The following CARD10 variants were observed in gnomAD, a reference collection of about 807,000 sequenced individuals.
The protein encoded by CARD10 is caspase recruitment domain-containing protein 10.
Under a neutral mutation model 114.6 loss-of-function variants are expected in CARD10, and 49 were observed. That is an observed-to-expected ratio of 0.43 (90% CI 0.34 to 0.54). The LOEUF (loss-of-function observed/expected upper bound fraction) is 0.54, where lower values mean the gene tolerates loss of function less well. CARD10 is among the 20% of genes least tolerant of loss of function. The pLI is 0.03. For synonymous variants in CARD10, 602 were observed against 593.2 expected (o/e 1.01, Z -0.21); for missense variants, 1,206 against 1,397.2 (o/e 0.86, Z 2.18).
In CARD10 at chr22:37,508,438, C is replaced by A. The variant is rs113628824; in HGVS notation, c.1065+89G>T. 3.5e-5 allele frequency: 47 copies of A among 1,351,230 alleles called. No individual in the cohort carries two copies. In the African/African-American group the frequency reaches 4.6e-4, roughly 13 times the overall value. The allele number at this position is 1,351,230 out of a possible 1,614,324, so 83.7% of individuals were successfully genotyped here. A position where few individuals can be genotyped will look rare whatever the true frequency, so the allele number is the denominator to read the frequency against. ...AATGCAGTTCTCAGCGCGGCGCCTG[C>A]GTCAAGCAGATGCTCAGGGAAGGCG... On this transcript the variant is annotated intron_variant, in intron 5 of 19. Transcript: ENST00000251973.
At chr22:37,494,589 C>T (rs1016022120) in intron 15 of CARD10, 9 of 223,790 alleles carry the variant, frequency 4.0e-5, no homozygotes, top group African/African-American at 7.0e-5. Context: ...TTAATGAAAC[C>T]AATAAAGATG....
In CARD10 at chr22:37,491,054, G is replaced by T; in HGVS notation, c.*105C>A. The T allele has an allele frequency of 1.1e-6, 1 of 905,554 alleles. No homozygotes were observed. The highest frequency in any genetic ancestry group is 1.7e-6 in the Non-Finnish European group (1 of 594,444). The allele number at this position is 905,554 out of a possible 1,614,324, so 56.1% of individuals were successfully genotyped here. On this transcript the variant is annotated 3_prime_UTR_variant, in exon 20 of 20. Coordinates refer to ENST00000251973, the MANE Select transcript of CARD10 (RefSeq NM_014550.4). ...GGCCAGAGCCAAGGGCCCTGCATCT[G>T]AGAGTCCAAGGGTCTAGGAAGGCTC...
chr22:37,508,533 G>A lies in CARD10; in HGVS notation c.1059C>T (p.Arg353=), dbSNP rs146823192. Residue 353 remains arginine, a synonymous_variant, in exon 5 of 20, where the codon CGC becomes CGT. Transcript: ENST00000251973. ...QGELQWAEEL[R]DQYLQEMEDL... ...GGCACGGGCAGGGCCCCACCTGGTC[G>A]CGCAGCTCCTCGGCCCACTGCAGCT... The A allele has an allele frequency of 1.9e-5, 30 of 1,592,466 alleles. No individual in the cohort carries two copies. The highest frequency in any genetic ancestry group is 2.6e-5 in the Non-Finnish European group (30 of 1,176,152).
rs1424798249 is a variant in CARD10 at position 37,492,401 on chromosome 22, C to G, written c.2751+34G>C. ...CAGCAGCACCCGCTCTGGGCCACCTCTGTGAGCACCCCAGGCCAGCCCCCA... is the reference window on the plus strand; with the variant it reads ...CAGCAGCACCCGCTCTGGGCCACCTGTGTGAGCACCCCAGGCCAGCCCCCA... On this transcript the variant is annotated intron_variant, in intron 18 of 19. Transcript: ENST00000251973. This position sits in a 1 kb window ranked among gnomAD's most constrained non-coding sequence, Gnocchi z 5.7. The G allele has an allele frequency of 2.0e-5, 30 of 1,463,862 alleles. No individual in the cohort carries two copies. Among genetic ancestry groups the G allele is most frequent in the Non-Finnish European group, 2.6e-5 (28 of 1,087,396 alleles). 90.7% of individuals were successfully genotyped at this position (1,463,862 alleles called of 1,614,324 possible).
chr22:37,502,782 G>T, intron 10 of CARD10, 57 bp from the exon 11 acceptor site: 2 of 1,574,718 alleles, frequency 1.3e-6, no homozygotes, highest in Non-Finnish European at 1.7e-6. Flanking sequence ...GATGGCCAGG[G>T]TCCATGACAG....
chr22:37,506,135 G>C, intron 7 of CARD10, 57 bp downstream of exon 7: 1 of 1,359,218 alleles, frequency 7.4e-7, no homozygotes. Flanking sequence ...CTGGCCAAGA[G>C]CTCCTGCCAG....
In CARD10 at chr22:37,507,967, C is replaced by T. The variant is rs1291143792; in HGVS notation, c.1066-13G>A. The stretch of plus-strand genomic sequence containing the variant: ...TCTCCTGCAGGTACTGAGGGTGGCA[C>T]GGGGCGGGGTCAGACCACAGGGCTG... On this transcript the variant is annotated splice_polypyrimidine_tract_variant and intron_variant, in intron 5 of 19. Coordinates refer to ENST00000251973, the MANE Select transcript of CARD10 (RefSeq NM_014550.4). 11 of 1,613,714 alleles carry T rather than the reference C, an allele frequency of 6.8e-6. No homozygotes were observed. Among genetic ancestry groups the T allele is most frequent in the African/African-American group, 1.3e-5 (1 of 74,908 alleles).
At chr22:37,506,502 G>A (rs1923414525) in intron 6 of CARD10, 119 bp from the exon 7 acceptor site, 1 of 649,604 alleles carries the variant, frequency 1.5e-6, no homozygotes, top group South Asian at 2.7e-5. Context: ...ACTGAGCACT[G>A]TGTGCCGGGC....
Position 37,512,465 on chromosome 22 carries a change from CCACACACACACACACACACA to C in CARD10, c.700-2064_700-2045del, listed in dbSNP as rs36080549. Among the ~76,000 whole-genome samples the C allele has an allele frequency of 1.5e-3, 175 of 113,854 alleles. 1 individual carries two copies. The highest frequency in any genetic ancestry group is 2.8e-3 in the Non-Finnish European group (148 of 53,042). The allele number at this position is 113,854 out of a possible 152,430, so 74.7% of individuals were successfully genotyped here. ...AGAGGTTAGAATGGCAGCCCCCCCTCCACACACACACACACACACACACACACACACACACACACACACAC... is the reference window on the plus strand; with the variant it reads ...AGAGGTTAGAATGGCAGCCCCCCCTCCACACACACACACACACACACACAC... On this transcript the variant is annotated intron_variant, in intron 3 of 19. Transcript: ENST00000251973.
chr22:37,496,400 T>C lies in CARD10; in HGVS notation c.2059+49A>G. The C allele has an allele frequency of 7.2e-7, 1 of 1,387,422 alleles. No homozygotes were observed. Among genetic ancestry groups the C allele is most frequent in the Non-Finnish European group, 1.0e-6 (1 of 982,048 alleles). 85.9% of individuals were successfully genotyped at this position (1,387,422 alleles called of 1,614,324 possible). ...CCTCCCCACCCCATGCACCACGGGT[T>C]AGAGGACCCCTCTGGGGCCAACAGC... On this transcript the variant is annotated intron_variant, in intron 13 of 19. Coordinates refer to ENST00000251973, the MANE Select transcript of CARD10 (RefSeq NM_014550.4). This position sits in a 1 kb window ranked among gnomAD's most constrained non-coding sequence, Gnocchi z 4.1.
chr22:37,504,419 G>C, intron 8 of CARD10, 118 bp from the exon 9 acceptor site: 2 of 1,048,164 alleles, frequency 1.9e-6, no homozygotes, highest in Non-Finnish European at 2.7e-6. Flanking sequence ...CAGAAGAGCG[G>C]GCTCTGCAAG....
chr22:37,508,876 C>A, intron 4 of CARD10, 194 bp from the exon 5 acceptor site: 1 of 1,259,162 alleles, frequency 7.9e-7, no homozygotes, highest in Non-Finnish European at 1.1e-6. Context: ...AAGCCCTACC[C>A]ACCCTCCAGG....
rs1203745983 is a variant in CARD10, at chr22:37,496,611, A to G, written c.1948-51T>C. 2 of 1,347,350 alleles carry G rather than the reference A, an allele frequency of 1.5e-6. No individual in the cohort carries two copies. The highest frequency in any genetic ancestry group is 2.1e-6 in the Non-Finnish European group (2 of 947,428). 83.5% of individuals were successfully genotyped at this position (1,347,350 alleles called of 1,614,324 possible). Reference sequence around the variant, plus strand: ...GAAAGAAGTGAGCCTCTGAGAGTAGAGCAGCCCAGGGGCTGGAGGAAGACC... The same window carrying G: ...GAAAGAAGTGAGCCTCTGAGAGTAGGGCAGCCCAGGGGCTGGAGGAAGACC... On this transcript the variant is annotated intron_variant, in intron 12 of 19. Transcript: ENST00000251973. The surrounding 1 kb of genome is among the most constrained non-coding windows in gnomAD (Gnocchi z 4.1).
chr22:37,510,327 T>C lies in CARD10; in HGVS notation c.794A>G (p.Glu265Gly). The C allele has an allele frequency of 1.2e-6, 2 of 1,610,606 alleles. No homozygotes were observed. The highest frequency in any genetic ancestry group is 2.2e-5 in the South Asian group (2 of 90,838). Reference sequence around the variant, plus strand: ...CTCCTTCTCCTTCTCCTTCTCCTTCTCCTTCTCCTCTGCCCCAGGGGGCGG... The same window carrying C: ...CTCCTTCTCCTTCTCCTTCTCCTTCCCCTTCTCCTCTGCCCCAGGGGGCGG... ...RGPPPGAEEKEKEKEKEKEPD... is the reference protein window; with the variant it reads ...RGPPPGAEEKGKEKEKEKEPD... Residue 265 changes from glutamate (E) to glycine (G), a missense_variant, in exon 4 of 20, where the codon GAG becomes GGG. Around this residue, in one of 2 missense-constraint regions of CARD10, gnomAD observed 1,068 missense variants for 1,179.1 expected, o/e 0.91. Coordinates refer to ENST00000251973, the MANE Select transcript of CARD10 (RefSeq NM_014550.4).
At position 37,519,305 on chromosome 22, in the gene CARD10, C is replaced by T. The variant is rs905646212; in HGVS notation, c.-105G>A. On this transcript the variant is annotated 5_prime_UTR_variant, in exon 1 of 20. Coordinates refer to ENST00000251973, the MANE Select transcript of CARD10 (RefSeq NM_014550.4). This position sits in a 1 kb window ranked among gnomAD's most constrained non-coding sequence, Gnocchi z 4.1. Reference sequence around the variant, plus strand: ...ACCCCCGGGGCGTCGTCCGCAGACCCGCCGTCGGGGGCGCGCCCCGAGCTC... The same window carrying T: ...ACCCCCGGGGCGTCGTCCGCAGACCTGCCGTCGGGGGCGCGCCCCGAGCTC... 3 of 1,341,786 alleles carry T rather than the reference C, an allele frequency of 2.2e-6. No homozygotes were observed. The highest frequency in any genetic ancestry group is 1.5e-5 in the African/African-American group (1 of 64,906). The allele number at this position is 1,341,786 out of a possible 1,614,324, so 83.1% of individuals were successfully genotyped here. A position where few individuals can be genotyped will look rare whatever the true frequency, so the allele number is the denominator to read the frequency against.
intron 2 of CARD10, 118 bp downstream of exon 2, chr22:37,517,853 T>G (rs578083657): frequency 2.5e-5 from 34 of 1,335,914 alleles, no homozygotes; most frequent in Non-Finnish European, 3.2e-5. Context: ...AGCCTCTCCA[T>G]GCCTCAGTTT....
In CARD10 at chr22:37,497,080, G is replaced by A. The variant is rs1298252274; in HGVS notation, c.1886C>T (p.Ser629Phe). 1.2e-6 allele frequency: 2 copies of A among 1,614,216 alleles called. No homozygotes were observed. Among genetic ancestry groups the A allele is most frequent in the Non-Finnish European group, 1.7e-6 (2 of 1,180,028 alleles). The change falls in exon 12 of 20, where the codon TCT becomes TTT. Residue 629 changes from serine to phenylalanine, a missense_variant. Transcript: ENST00000251973. ...CAGCACCCTGCGCACCACAGCCCCAGACCATCTGTCCCCATAAAACGACAG... is the reference window on the plus strand; with the variant it reads ...CAGCACCCTGCGCACCACAGCCCCAAACCATCTGTCCCCATAAAACGACAG... ...DGLSFYGDRW[S>F]GAVVRRVLSG...
chr22:37,513,015 T>C (rs1229184189), intron 3 of CARD10, among the ~76,000 whole-genome samples: 3 of 152,198 alleles, frequency 2.0e-5, no homozygotes, highest in African/African-American at 7.2e-5. Flanking sequence ...TTCAGATCCA[T>C]CTGCAACACC....
In CARD10 at chr22:37,506,301, C is replaced by G; in HGVS notation, c.1274G>C (p.Gly425Ala). The stretch of plus-strand genomic sequence containing the variant: ...CAGCTCATCCCGCTCCGCCTCCAGG[C>G]CCCGCACCTGCTTGCGGTACTGGTC... ...EKDQYRKQVRGLEAERDELLT... is the reference protein window; with the variant it reads ...EKDQYRKQVRALEAERDELLT... The change falls in exon 7 of 20, where the codon GGC becomes GCC. Residue 425 changes from glycine (G) to alanine (A), a missense_variant. Transcript: ENST00000251973. 1 of 1,610,998 alleles carries G rather than the reference C, an allele frequency of 6.2e-7. No individual in the cohort carries two copies. Among genetic ancestry groups the G allele is most frequent in the Non-Finnish European group, 8.5e-7 (1 of 1,178,586 alleles).
Sources: gnomAD v4.1 joint callset for allele counts (sites outside exome capture counted in the v4.1 genomes callset) on GRCh38, gnomAD v4.1.1 for gene constraint, gnomAD v4.1.1 regional missense constraint, Gnocchi (gnomAD v3.1) non-coding constraint, MANE v1.5 for transcripts, NCBI Gene and HGNC (gene_info 2026-07-23, HGNC 2026-07-21) for gene names.